Variants in SLC12A1 observed in about 807,000 individuals in gnomAD.
The protein encoded by SLC12A1 is Na-K-2Cl cotransporter.
SLC12A1 carries 89 observed loss-of-function variants against 130.4 expected under a neutral mutation model. The observed-to-expected ratio is 0.68, with a 90% CI of 0.58 to 0.81. The LOEUF (loss-of-function observed/expected upper bound fraction) is 0.81. Ranked by LOEUF, SLC12A1 falls within the 40% of genes least tolerant of loss-of-function variation. The probability of loss-of-function intolerance (pLI) is 0.00; values close to 1 mark genes in which losing one functional copy is unlikely to be tolerated. For missense variants in SLC12A1, 1,310 were observed against 1,336.4 expected, an observed-to-expected ratio of 0.98 and a Z score of 0.31; for synonymous variants, 499 against 460.0, an observed-to-expected ratio of 1.08 and a Z score of -1.09.
intron 25 of SLC12A1, among the ~76,000 whole-genome samples, chr15:48,300,468 C>A (rs2042221696): frequency 6.6e-6 from 1 of 152,184 alleles, no homozygotes; most frequent in African/African-American, 2.4e-5. Context: ...ACCCTGACCC[C>A]TGGGGCCCAC....
At position 48,255,798 on chromosome 15, in the gene SLC12A1, C is replaced by T. The variant is rs867820750; in HGVS notation, c.1943-13C>T. 1.3e-5 allele frequency: 20 copies of T among 1,554,160 alleles called. No homozygotes were observed. The highest frequency in any genetic ancestry group is 1.7e-5 in the Non-Finnish European group (19 of 1,133,968). The stretch of plus-strand genomic sequence containing the variant: ...TCAGTGTTTTTTATGCCAATTTCCT[C>T]CTTTATCCACAGATGTGAACTGGGG... On this transcript the variant is annotated splice_polypyrimidine_tract_variant and intron_variant, in intron 15 of 26. Coordinates refer to ENST00000380993, the MANE Select transcript of SLC12A1 (RefSeq NM_000338.3).
chr15:48,288,142 C>T lies in SLC12A1; in HGVS notation c.2729C>T (p.Thr910Ile). ...TTTAAAAAGAAACAAGAAAAAGGCA[C>T]AATTGATGTTTGGTGGTTGTTTGAT... ...TQFKKKQEKG[T>I]IDVWWLFDDG... Residue 910 changes from threonine (T) to isoleucine (I), a missense_variant, in exon 22 of 27, where the codon ACA (threonine) becomes ATA (isoleucine). Transcript: ENST00000380993. The T allele has an allele frequency of 1.9e-6, 3 of 1,609,840 alleles. No individual in the cohort carries two copies. Among genetic ancestry groups the T allele is most frequent in the Non-Finnish European group, 2.5e-6 (3 of 1,178,044 alleles).
chr15:48,215,406 T>C (rs1424705589), intron 2 of SLC12A1, among the ~76,000 whole-genome samples: 1 of 152,204 alleles, frequency 6.6e-6, no homozygotes, highest in Non-Finnish European at 1.5e-5. Context: ...TCTTAGTAAA[T>C]AAATAATCAT....
chr15:48,276,160 T>C (rs1319359443), intron 20 of SLC12A1, among the ~76,000 whole-genome samples: 2 of 152,052 alleles, frequency 1.3e-5, no homozygotes, highest in East Asian at 1.9e-4. Context: ...GATGAGCCAA[T>C]GGAAATGGGA....
chr15:48,301,305 T>G lies in SLC12A1; in HGVS notation c.3097-10T>G. ...GAACTGTACTCAACAAATCTGAATG[T>G]TGCCCACAGAGTTACCGCCAAGTTC... On this transcript the variant is annotated splice_polypyrimidine_tract_variant and intron_variant, in intron 25 of 26. Transcript: ENST00000380993. 1.3e-6 allele frequency: 2 copies of G among 1,590,364 alleles called. No homozygotes were observed. Among genetic ancestry groups the G allele is most frequent in the Non-Finnish European group, 1.7e-6 (2 of 1,165,298 alleles).
At chr15:48,298,658 T>G (rs548310005) in intron 24 of SLC12A1, among the ~76,000 whole-genome samples, 1 of 152,352 alleles carries the variant, frequency 6.6e-6, no homozygotes, top group Admixed American at 6.5e-5. Flanking sequence ...CTGCCATGAG[T>G]GGGAGTTGCC....
At chr15:48,245,858 A>G (rs567332976) in intron 11 of SLC12A1, among the ~76,000 whole-genome samples, 1 of 152,362 alleles carries the variant, frequency 6.6e-6, no homozygotes, top group East Asian at 1.9e-4. Flanking sequence ...CATTTCATAC[A>G]TGGCCTTCAG....
rs1294629685 is a variant in SLC12A1 at position 48,285,116 on chromosome 15, G to C, written c.2496G>C (p.Glu832Asp). The C allele has an allele frequency of 6.3e-7, 1 of 1,595,620 alleles. No individual in the cohort carries two copies. Among genetic ancestry groups the C allele is most frequent in the South Asian group, 1.2e-5 (1 of 86,292 alleles). ...GTCTTCTTTCATCAGAGGAATTAGAGAGATTAGAACAGGAGAGACTAGCAT... is the reference window on the plus strand; with the variant it reads ...GTCTTCTTTCATCAGAGGAATTAGACAGATTAGAACAGGAGAGACTAGCAT... ...SQVLQVQEELERLEQERLALE... is the reference protein window; with the variant it reads ...SQVLQVQEELDRLEQERLALE... Residue 832 changes from glutamate to aspartate, a missense_variant, in exon 21 of 27, where the codon GAG (glutamate) becomes GAC (aspartate). Physicochemically the swap from Glu to Asp is conservative, Grantham distance 45. Transcript: ENST00000380993.
chr15:48,264,132 G>A (rs888789088), intron 17 of SLC12A1, among the ~76,000 whole-genome samples: 4 of 151,938 alleles, frequency 2.6e-5, no homozygotes, highest in South Asian at 2.1e-4. Flanking sequence ...TTTCACACAC[G>A]GATACCAAAA....
intron 24 of SLC12A1, 46 bp from the exon 25 acceptor site, chr15:48,299,094 G>A (rs368413195): frequency 5.2e-6 from 8 of 1,545,128 alleles, no homozygotes; most frequent in Middle Eastern, 1.7e-4. Flanking sequence ...GTGAAATAAT[G>A]AGTTAGTTTC....
Position 48,251,770 on chromosome 15 carries a change from G to T in SLC12A1, c.1942G>T (p.Asp648Tyr). The T allele has an allele frequency of 6.2e-7, 1 of 1,613,488 alleles. No homozygotes were observed. The highest frequency in any genetic ancestry group is 8.5e-7 in the Non-Finnish European group (1 of 1,179,586). Residue 648 changes from aspartate (D) to tyrosine (Y), a missense_variant and splice_region_variant, in exon 15 of 27, where the codon GAT (aspartate) becomes TAT (tyrosine). Physicochemically the swap from Asp to Tyr is radical, Grantham distance 160. Coordinates refer to ENST00000380993, the MANE Select transcript of SLC12A1 (RefSeq NM_000338.3). ...CGTCTATGTGACTTGTAAGAAGCCA[G>T]GTAAGATAATGACTGTCTGGAATAG... ...LYVYVTCKKP[D>Y]VNWGSSTQAL...
chr15:48,250,451 C>T (rs1042235686), intron 14 of SLC12A1, among the ~76,000 whole-genome samples: 16 of 152,144 alleles, frequency 1.1e-4, no homozygotes, highest in African/African-American at 3.9e-4. Flanking sequence ...GAATACTAGG[C>T]TACAGAAAGT....
At chr15:48,302,626 CAAAAA>C (rs35095948) in intron 26 of SLC12A1, 119 bp from the exon 27 acceptor site, 62 of 142,116 alleles carry the variant, frequency 4.4e-4, no homozygotes, top group African/African-American at 1.7e-3. Flanking sequence ...GACTCCGTCT[CAAAAA>C]AAAAAAAAAA....
intron 2 of SLC12A1, among the ~76,000 whole-genome samples, chr15:48,220,321 C>T (rs1050926755): frequency 1.3e-5 from 2 of 152,036 alleles, no homozygotes; most frequent in Admixed American, 1.3e-4. Context: ...GCCCTTCTCT[C>T]TTTTGTTTCT....
chr15:48,261,474 T>A (rs2041774419), intron 17 of SLC12A1, among the ~76,000 whole-genome samples: 1 of 152,048 alleles, frequency 6.6e-6, no homozygotes, highest in Non-Finnish European at 1.5e-5. Context: ...GGCCCAAGAG[T>A]CCTGCTCCAA....
chr15:48,252,146 T>G (rs554368773), intron 15 of SLC12A1, among the ~76,000 whole-genome samples: 4 of 151,062 alleles, frequency 2.6e-5, no homozygotes, highest in Non-Finnish European at 5.9e-5. Flanking sequence ...GAGGTTGCAG[T>G]GAGCCGAGAT....
intron 19 of SLC12A1, among the ~76,000 whole-genome samples, chr15:48,272,243 T>G (rs904482643): frequency 6.6e-6 from 1 of 152,222 alleles, no homozygotes; most frequent in Admixed American, 6.5e-5. Flanking sequence ...ATGGGGCTAA[T>G]AATGACAATC....
At chr15:48,230,779 T>C (rs573980139) in intron 7 of SLC12A1, among the ~76,000 whole-genome samples, 116 of 152,312 alleles carry the variant, frequency 7.6e-4, no homozygotes, top group African/African-American at 2.6e-3. Flanking sequence ...ATCATAGCAG[T>C]GGTGCACGCT....
intron 10 of SLC12A1, among the ~76,000 whole-genome samples, chr15:48,242,504 G>A (rs1054127743): frequency 6.6e-6 from 1 of 152,156 alleles, no homozygotes; most frequent in Non-Finnish European, 1.5e-5. Flanking sequence ...TGATAACTTT[G>A]TTAAGAGTAT....
Sources: gnomAD v4.1 joint callset for allele counts (sites outside exome capture counted in the v4.1 genomes callset) on GRCh38, gnomAD v4.1.1 for gene constraint, MANE v1.5 for transcripts, NCBI Gene and HGNC (gene_info 2026-07-23, HGNC 2026-07-21) for gene names.